Variants in HTR2B observed in about 807,000 individuals in gnomAD.
HTR2B encodes the protein 5-hydroxytryptamine receptor 2B, also known as 5-HT 2B receptor.
In HTR2B, 31 loss-of-function variants were observed where a neutral mutation model predicts 39.8. The ratio of observed to expected loss-of-function variants is 0.78; its 90% confidence interval spans 0.58 to 1.05. The LOEUF is 1.05. HTR2B is among the 50% of genes least tolerant of loss of function. HTR2B has a pLI of 0.00. For missense variants in HTR2B, 562 were observed against 578.0 expected, an observed-to-expected ratio of 0.97 and a Z score of 0.28; for synonymous variants, 210 against 207.1, an observed-to-expected ratio of 1.01 and a Z score of -0.12.
intron 2 of HTR2B, among the ~76,000 whole-genome samples, chr2:231,121,357 ATC>A (rs950761257): frequency 6.6e-6 from 1 of 152,182 alleles, no homozygotes; most frequent in African/African-American, 2.4e-5. Context: ...GCCAGACTCC[ATC>A]TCTATTAAAA....
chr2:231,116,624 A>G (rs1456929752), intron 2 of HTR2B, among the ~76,000 whole-genome samples: 2 of 151,186 alleles, frequency 1.3e-5, no homozygotes, highest in Admixed American at 1.3e-4. Flanking sequence ...ACATACTCCT[A>G]ATTGTGGGCT....
At chr2:231,112,087 T>C (rs1437614290) in intron 3 of HTR2B, among the ~76,000 whole-genome samples, 1 of 152,190 alleles carries the variant, frequency 6.6e-6, no homozygotes, top group Non-Finnish European at 1.5e-5. Context: ...TTTTAATTAT[T>C]CTTAAGGATC....
In HTR2B at chr2:231,108,978, C is replaced by T. The variant is rs776080221; in HGVS notation, c.985G>A (p.Val329Met). The T allele has an allele frequency of 3.7e-6, 6 of 1,614,152 alleles. No homozygotes were observed. The highest frequency in any genetic ancestry group is 5.1e-6 in the Non-Finnish European group (6 of 1,180,002). ...CACATAAGCAAAAAGAGGAAAAACA[C>T]AATCCCTAGGACCTTTGAGGCTCTC... ...EQRASKVLGIVFFLFLLMWCP... is the reference protein window; with the variant it reads ...EQRASKVLGIMFFLFLLMWCP... Residue 329 changes from valine to methionine, a missense_variant, in exon 4 of 4, where the codon GTG becomes ATG. Coordinates refer to ENST00000258400, the MANE Select transcript of HTR2B (RefSeq NM_000867.5).
chr2:231,112,703 AAG>A (rs1352719815), intron 3 of HTR2B, among the ~76,000 whole-genome samples: 1 of 152,202 alleles, frequency 6.6e-6, no homozygotes, highest in African/African-American at 2.4e-5. Flanking sequence ...ACTAACATAT[AAG>A]AGTTTTGAAT....
At chr2:231,118,437 G>GT (rs112330684) in intron 2 of HTR2B, among the ~76,000 whole-genome samples, 3,377 of 152,172 alleles carry the variant, frequency 0.022, 135 homozygotes, top group African/African-American at 0.077. Flanking sequence ...GCTGAGAACA[G>GT]TTAACTCTGT....
chr2:231,111,937 T>C (rs1695169721), intron 3 of HTR2B, among the ~76,000 whole-genome samples: 2 of 152,206 alleles, frequency 1.3e-5, no homozygotes, highest in Middle Eastern at 3.2e-3. Flanking sequence ...CTGTGTATTC[T>C]TAGTACCTAG....
chr2:231,117,547 T>A (rs1695386807), intron 2 of HTR2B, among the ~76,000 whole-genome samples: 1 of 152,274 alleles, frequency 6.6e-6, no homozygotes, highest in Non-Finnish European at 1.5e-5. Context: ...GGGTCTTGTC[T>A]TATAGACAAT....
chr2:231,112,301 T>G (rs764834272), intron 3 of HTR2B, among the ~76,000 whole-genome samples: 9 of 152,244 alleles, frequency 5.9e-5, no homozygotes, highest in Non-Finnish European at 8.8e-5. Context: ...ATTCCCTTTC[T>G]GTAGCTGCTT....
At chr2:231,124,708 C>T (rs569686350) in intron 1 of HTR2B, among the ~76,000 whole-genome samples, 3 of 152,130 alleles carry the variant, frequency 2.0e-5, no homozygotes, top group Non-Finnish European at 1.5e-5. Context: ...CAAACCAGTT[C>T]TTTTTTTGTT....
intron 2 of HTR2B, among the ~76,000 whole-genome samples, chr2:231,120,084 T>C (rs1695484721): frequency 6.6e-6 from 1 of 151,458 alleles, no homozygotes; most frequent in African/African-American, 2.4e-5. Flanking sequence ...CCCGAGTAGC[T>C]GGGACTACAG....
chr2:231,109,464 G>T (rs1024019911), intron 3 of HTR2B, 55 bp from the exon 4 acceptor site: 9 of 1,423,614 alleles, frequency 6.3e-6, no homozygotes, highest in Non-Finnish European at 8.9e-6. Flanking sequence ...GTAACTCTTC[G>T]ATTAGATCCT....
At position 231,113,988 on chromosome 2, in the gene HTR2B, A is replaced by G. The variant is rs999503311; in HGVS notation, c.353-59T>C. The G allele has an allele frequency of 1.2e-4, 166 of 1,377,806 alleles. No individual in the cohort carries two copies. In the African/African-American group the frequency reaches 2.2e-3, roughly 18 times the overall value. 85.3% of individuals were successfully genotyped at this position (1,377,806 alleles called of 1,614,324 possible). ...TCTATAAAATGGCAACTTTCAGTCT[A>G]CAGTTTTTCAGGTGATACATCTTTT... On this transcript the variant is annotated intron_variant, in intron 2 of 3. Coordinates refer to ENST00000258400, the MANE Select transcript of HTR2B (RefSeq NM_000867.5).
intron 2 of HTR2B, among the ~76,000 whole-genome samples, chr2:231,119,267 T>C (rs999379345): frequency 1.3e-5 from 2 of 152,224 alleles, no homozygotes; most frequent in Non-Finnish European, 2.9e-5. Context: ...CTCTTACTGC[T>C]ATACATTTGT....
intron 3 of HTR2B, among the ~76,000 whole-genome samples, chr2:231,110,283 G>A (rs1695112966): frequency 6.6e-6 from 1 of 152,074 alleles, no homozygotes; most frequent in Non-Finnish European, 1.5e-5. Flanking sequence ...TCACACCACT[G>A]CCCTCCACGC....
In HTR2B at chr2:231,120,822, C is replaced by T. The variant is rs151217847; in HGVS notation, c.352+2591G>A. ...ATAGAACCAAGAACGCTTGTTTGTA[C>T]AAACGTTAGAAGTCCTAAAGATTAA... On this transcript the variant is annotated intron_variant, in intron 2 of 3. Coordinates refer to ENST00000258400, the MANE Select transcript of HTR2B (RefSeq NM_000867.5). Among the ~76,000 whole-genome samples the T allele has an allele frequency of 2.2e-3, 336 of 152,248 alleles. 5 individuals carry two copies. The highest frequency in any genetic ancestry group is 0.019 in the Admixed American group (294 of 15,308).
At position 231,109,319 on chromosome 2, in the gene HTR2B, C is replaced by T. The variant is rs534171987; in HGVS notation, c.644G>A (p.Gly215Asp). ...CAGTGAGCCAAAGAGCATGAAATCG[C>T]CAAAACGTTCCTTTGTCAGCACACA... ...ITCVLTKERF[G>D]DFMLFGSLAA... Residue 215 changes from glycine to aspartate, a missense_variant, in exon 4 of 4, where the codon GGC (glycine) becomes GAC (aspartate). By Grantham distance (94) the Gly-to-Asp change is moderately conservative. Transcript: ENST00000258400. 1.2e-6 allele frequency: 2 copies of T among 1,614,010 alleles called. No homozygotes were observed. The highest frequency in any genetic ancestry group is 1.7e-6 in the Non-Finnish European group (2 of 1,179,960).
Position 231,108,903 on chromosome 2 carries a change from T to A in HTR2B, c.1060A>T (p.Asn354Tyr), listed in dbSNP as rs749809479. Residue 354 changes from asparagine to tyrosine, a missense_variant, in exon 4 of 4, where the codon AAC becomes TAC. Physicochemically the swap from Asn to Tyr is moderately radical, Grantham distance 143 (BLOSUM62 -2). Transcript: ENST00000258400. Reference sequence around the variant, plus strand: ...AGGAGCATTTGGAGAGTAGTTTGGTTACAGGAATCACATAAAACTAAAGTT... The same window carrying A: ...AGGAGCATTTGGAGAGTAGTTTGGTAACAGGAATCACATAAAACTAAAGTT... ...NITLVLCDSC[N>Y]QTTLQMLLEI... 4 of 1,614,138 alleles carry A rather than the reference T, an allele frequency of 2.5e-6. No homozygotes were observed. The Admixed American group carries it at 6.7e-5, about 27-fold the overall frequency.
At chr2:231,113,648 G>T in intron 3 of HTR2B, 81 bp downstream of exon 3, 3 of 1,243,324 alleles carry the variant, frequency 2.4e-6, no homozygotes, top group African/African-American at 1.5e-5. Context: ...GAGTTTCATT[G>T]CCTACCAGAC....
intron 3 of HTR2B, among the ~76,000 whole-genome samples, chr2:231,111,216 A>G (rs1281665012): frequency 1.3e-5 from 2 of 152,196 alleles, no homozygotes; most frequent in Non-Finnish European, 2.9e-5. Context: ...TATTTGCACT[A>G]AAGCCATCTA....
Sources: allele counts gnomAD v4.1 joint callset (sites outside exome capture counted in the v4.1 genomes callset), GRCh38; gene constraint gnomAD v4.1.1; transcripts MANE v1.5; gene names NCBI Gene and HGNC (gene_info 2026-07-23, HGNC 2026-07-21).